The following EIF1AX variants were observed in gnomAD, a reference collection of about 807,000 sequenced individuals.
The protein encoded by EIF1AX is eukaryotic translation initiation factor 1A X-linked.
Under a neutral mutation model 16.1 loss-of-function variants are expected in EIF1AX, and 1 was observed. That is an observed-to-expected ratio of 0.06 (90% confidence interval 0.02 to 0.30). The LOEUF (loss-of-function observed/expected upper bound fraction) is 0.30. Among genes scored for constraint, EIF1AX ranks in the 10% least tolerant of loss-of-function variants. The pLI, the probability that EIF1AX is intolerant of heterozygous loss-of-function variation, is 1.00. For missense variants in EIF1AX, 11 were observed against 109.1 expected, an observed-to-expected ratio of 0.10 and a Z score of 4.00; for synonymous variants, 32 against 37.3, an observed-to-expected ratio of 0.86 and a Z score of 0.51.
chrX:20,139,669 A>C (rs2067028052), intron 1 of EIF1AX, among the ~76,000 whole-genome samples: 1 of 111,568 alleles, frequency 9.0e-6, no homozygotes, highest in Non-Finnish European at 1.9e-5. Context: ...AAGAGCTTGG[A>C]AGCAGCAAAA....
In EIF1AX at chrX:20,125,402, A is replaced by T. The variant is rs1191379962; in HGVS notation, c.*2904T>A. ...GATGGTAGTTTAGGGTAAACCAAAA[A>T]CACAAAGCAGTGTGCAAAAGTTCAT... is the stretch of plus-strand genomic sequence containing the variant. On this transcript the variant is annotated 3_prime_UTR_variant, in exon 7 of 7. Transcript: ENST00000379607. 1 of 171,579 alleles carries T rather than the reference A, an allele frequency of 5.8e-6. No individual in the cohort carries two copies. Among genetic ancestry groups the T allele is most frequent in the South Asian group, 3.1e-4 (1 of 3,249 alleles). The allele number at this position is 171,579 out of a possible 1,213,427, so 14.1% of individuals were successfully genotyped here. A position where few individuals can be genotyped will look rare whatever the true frequency, so the allele number is the denominator to read the frequency against.
rs779244062 is a variant in EIF1AX at position 20,134,296 on chromosome X, G to C, written c.205-289C>G. Among the ~76,000 whole-genome samples, 149 of 111,883 alleles carry C rather than the reference G, an allele frequency of 1.3e-3. 1 individual carries two copies. Among genetic ancestry groups the C allele is most frequent in the African/African-American group, 4.3e-3 (131 of 30,776 alleles). ...CCAGCTACTCGGGAGGCTGAGGCTG[G>C]AGAATCACTTGAACCTGGGAGACGG... is the stretch of plus-strand genomic sequence containing the variant. On this transcript the variant is annotated intron_variant, in intron 3 of 6. Transcript: ENST00000379607.
chrX:20,132,420 G>C (rs749549492), intron 4 of EIF1AX, among the ~76,000 whole-genome samples, 157 bp from the exon 5 acceptor site: 5 of 111,577 alleles, frequency 4.5e-5, no homozygotes, highest in Admixed American at 1.9e-4. Flanking sequence ...CTCTGAAAAA[G>C]ATCCTTAGGT....
chrX:20,135,032 A>T (rs2067011995), intron 3 of EIF1AX, among the ~76,000 whole-genome samples: 1 of 111,104 alleles, frequency 9.0e-6, no homozygotes. Context: ...GAATCCAAAC[A>T]AGGGCAACCT....
intron 4 of EIF1AX, 30 bp downstream of exon 4, chrX:20,133,927 A>T: frequency 8.8e-7 from 1 of 1,141,833 alleles, no homozygotes; most frequent in Non-Finnish European, 1.2e-6. Flanking sequence ...CAAGCCAGTA[A>T]AATAGGAAAA....
Position 20,130,543 on chromosome X carries a change from A to T in EIF1AX, c.402T>A (p.Ile134=). 8.4e-7 allele frequency: 1 copy of T among 1,191,502 alleles called. No homozygotes were observed. The highest frequency in any genetic ancestry group is 1.8e-5 in the South Asian group (1 of 54,763). ...CATCAATATCTTCATCATCATCTCC[A>T]ATGTCATCAAACTGAATTTCATCAT... The part of the protein sequence containing the change: ...GDDDEIQFDD[I]GDDDEDIDDI Residue 134 remains isoleucine (I), a synonymous_variant, in exon 6 of 7, where the codon ATT becomes ATA. Coordinates refer to ENST00000379607, the MANE Select transcript of EIF1AX (RefSeq NM_001412.4).
At chrX:20,141,273 G>A (rs1409986783) in intron 1 of EIF1AX, among the ~76,000 whole-genome samples, 1 of 111,672 alleles carries the variant, frequency 9.0e-6, no homozygotes, top group Non-Finnish European at 1.9e-5. Context: ...TGCCCGGGAA[G>A]GCCAAAGGGG....
chrX:20,130,302 CAAAAAAAAAAAAA>C (rs773734086), intron 6 of EIF1AX, among the ~76,000 whole-genome samples: 926 of 28,504 alleles, frequency 0.032, 18 homozygotes, highest in Admixed American at 0.048. Flanking sequence ...AACTCCATCA[CAAAAAAAAAAAAA>C]AAAAAAAAAA....
chrX:20,141,473 G>A (rs1382412081), intron 1 of EIF1AX, 152 bp downstream of exon 1: 11 of 633,972 alleles, frequency 1.7e-5, no homozygotes, highest in African/African-American at 4.7e-5. Flanking sequence ...CTCCTCTCCC[G>A]AGCTCAGAGT....
At chrX:20,130,068 G>A (rs1026416676) in intron 6 of EIF1AX, among the ~76,000 whole-genome samples, 2 of 110,598 alleles carry the variant, frequency 1.8e-5, no homozygotes, top group East Asian at 2.8e-4. Flanking sequence ...TTGGGAGGCC[G>A]AGGAGGGCAG....
rs947068839 is a variant in EIF1AX at position 20,135,057 on chromosome X, T to A, written c.204+681A>T. 3.6e-5 allele frequency among the ~76,000 whole-genome samples: 4 copies of A among 110,510 alleles called. No homozygotes were observed. The South Asian group carries it at 1.5e-3, about 42-fold the overall frequency. On this transcript the variant is annotated intron_variant, in intron 3 of 6. Coordinates refer to ENST00000379607, the MANE Select transcript of EIF1AX (RefSeq NM_001412.4). ...AAGGGCAACCTACTCCATTTAACTG[T>A]CAGGTCTCTTTAAGTCTCCTTGCAA...
chrX:20,134,583 C>T (rs1468332206), intron 3 of EIF1AX, among the ~76,000 whole-genome samples: 2 of 109,316 alleles, frequency 1.8e-5, no homozygotes, highest in African/African-American at 6.7e-5. Context: ...ACTAAAAATA[C>T]AAAAATTAGC....
intron 2 of EIF1AX, chrX:20,136,503 T>C (rs2067017554): frequency 6.6e-6 from 1 of 151,146 alleles, no homozygotes; most frequent in African/African-American, 3.1e-5. Flanking sequence ...ACTACCCCAC[T>C]TTTGGCTCTC....
chrX:20,138,036 CCTCT>C (rs1339389604), intron 2 of EIF1AX, among the ~76,000 whole-genome samples: 2 of 88,324 alleles, frequency 2.3e-5, no homozygotes, highest in Non-Finnish European at 4.3e-5. Context: ...ACAGAGTCTC[CCTCT>C]GTCACCCAGG....
chrX:20,137,163 G>A (rs2067019544), intron 2 of EIF1AX, among the ~76,000 whole-genome samples: 1 of 112,015 alleles, frequency 8.9e-6, no homozygotes, highest in Non-Finnish European at 1.9e-5. Context: ...CTACATATGG[G>A]GCTAGGTGCG....
intron 1 of EIF1AX, among the ~76,000 whole-genome samples, chrX:20,141,385 C>T (rs1454179541): frequency 8.9e-6 from 1 of 112,001 alleles, no homozygotes; most frequent in Non-Finnish European, 1.9e-5. Context: ...CCCACATTCT[C>T]CCGCAGGAGG....
At chrX:20,131,641 A>G (rs1368527191) in intron 5 of EIF1AX, among the ~76,000 whole-genome samples, 1 of 107,114 alleles carries the variant, frequency 9.3e-6, no homozygotes, top group East Asian at 2.9e-4. Context: ...AACAAACAAA[A>G]TCAGTAACTG....
At chrX:20,128,347 GA>G in intron 6 of EIF1AX, 36 bp from the exon 7 acceptor site, 1 of 1,163,519 alleles carries the variant, frequency 8.6e-7, no homozygotes, top group South Asian at 1.9e-5. Context: ...AAAGGAAAAA[GA>G]ATTCTTATAT....
At position 20,125,320 on chromosome X, in the gene EIF1AX, T is replaced by G. The variant is rs1301875908; in HGVS notation, c.*2986A>C. On this transcript the variant is annotated 3_prime_UTR_variant, in exon 7 of 7. Transcript: ENST00000379607. ...GTTCATTCTATACCTGAGAGTCTTG[T>G]GTCTTTTCACATTTTGCTCTTTTCT... The G allele has an allele frequency of 5.9e-6, 1 of 169,715 alleles. No homozygotes were observed. Among genetic ancestry groups the G allele is most frequent in the Non-Finnish European group, 1.1e-5 (1 of 88,537 alleles). The allele number at this position is 169,715 out of a possible 1,213,427, so 14.0% of individuals were successfully genotyped here. A position where few individuals can be genotyped will look rare whatever the true frequency, so the allele number is the denominator to read the frequency against.
Sources: gnomAD v4.1 joint callset for allele counts (sites outside exome capture counted in the v4.1 genomes callset) on GRCh38, gnomAD v4.1.1 for gene constraint, MANE v1.5 for transcripts, NCBI Gene and HGNC (gene_info 2026-07-23, HGNC 2026-07-21) for gene names.